SUGCT: variants seen among roughly 807,000 people sequenced by gnomAD.
SUGCT encodes the protein succinyl-CoA:glutarate CoA-transferase.
A neutral mutation model predicts 55.0 loss-of-function variants in SUGCT; 41 were observed. The ratio of observed to expected loss-of-function variants is 0.74; its 90% confidence interval spans 0.58 to 0.97. The LOEUF (loss-of-function observed/expected upper bound fraction) is 0.97. Ranked by LOEUF, SUGCT falls within the 50% of genes least tolerant of loss-of-function variation. The pLI is 0.00. For synonymous variants in SUGCT, 187 were observed against 200.4 expected, an observed-to-expected ratio of 0.93 and a Z score of 0.56; for missense variants, 568 against 547.8, an observed-to-expected ratio of 1.04 and a Z score of -0.37.
chr7:40,925,640 T>C, the SUGCT span, among the ~76,000 whole-genome samples: 4 of 152,054 alleles, frequency 2.6e-5, no homozygotes, highest in African/African-American at 9.7e-5. Context: ...GAAACCCCAG[T>C]TGAGAGCAGG....
the SUGCT span, among the ~76,000 whole-genome samples, chr7:40,915,799 A>G: frequency 2.0e-5 from 3 of 152,258 alleles, no homozygotes; most frequent in African/African-American, 4.8e-5. Context: ...ATGTAGAAAT[A>G]CATAAGTAAA....
intron 13 of SUGCT, among the ~76,000 whole-genome samples, chr7:40,812,262 C>A (rs1791460371): frequency 6.6e-6 from 1 of 151,830 alleles, no homozygotes; most frequent in African/African-American, 2.4e-5. Context: ...GGACCACAGT[C>A]ATTGATTTTT....
At chr7:40,228,054 GTATTTT>G (rs1788491955) in intron 6 of SUGCT, among the ~76,000 whole-genome samples, 1 of 151,794 alleles carries the variant, frequency 6.6e-6, no homozygotes, top group African/African-American at 2.4e-5. Context: ...GGCTAATTTT[GTATTTT>G]TAGTAGAGAT....
At chr7:40,562,205 A>AG (rs1795876136) in intron 12 of SUGCT, among the ~76,000 whole-genome samples, 1 of 151,402 alleles carries the variant, frequency 6.6e-6, no homozygotes, top group Admixed American at 6.6e-5. Flanking sequence ...AGGCTGAGGC[A>AG]GGAGAATGGC....
intron 12 of SUGCT, among the ~76,000 whole-genome samples, chr7:40,736,468 C>G (rs897972891): frequency 6.6e-6 from 1 of 151,238 alleles, no homozygotes; most frequent in African/African-American, 2.4e-5. Context: ...TCAGGAAGTC[C>G]TAAAGACTAC....
At chr7:40,214,041 G>T (rs1340915786) in intron 6 of SUGCT, among the ~76,000 whole-genome samples, 1 of 152,150 alleles carries the variant, frequency 6.6e-6, no homozygotes, top group Non-Finnish European at 1.5e-5. Flanking sequence ...TGAAACTGAA[G>T]TCACACAGTG....
chr7:40,135,125 C>G lies in SUGCT; in HGVS notation c.100+5C>G. 1 of 1,550,178 alleles carries G rather than the reference C, an allele frequency of 6.5e-7. No homozygotes were observed. The highest frequency in any genetic ancestry group is 2.0e-5 in the Admixed American group (1 of 51,216). On this transcript the variant is annotated splice_donor_5th_base_variant and intron_variant, in intron 1 of 13. Transcript: ENST00000335693. ...GGACTGGCCGCCCGCAGTCAGGTAC[C>G]CTCCGAGATTCGGTCTGGGTGGCTA... is the stretch of plus-strand genomic sequence containing the variant.
At chr7:40,821,063 T>A (rs1344659831) in intron 13 of SUGCT, among the ~76,000 whole-genome samples, 1 of 152,138 alleles carries the variant, frequency 6.6e-6, no homozygotes, top group African/African-American at 2.4e-5. Flanking sequence ...TGCTGGATTA[T>A]GTTTATTGAT....
At chr7:40,480,551 A>G (rs558972595) in intron 11 of SUGCT, among the ~76,000 whole-genome samples, 13 of 152,248 alleles carry the variant, frequency 8.5e-5, no homozygotes, top group African/African-American at 3.1e-4. Context: ...TTCTGTAAAG[A>G]ATGCCGTTGA....
chr7:40,316,356 C>T (rs1795431316), intron 8 of SUGCT, among the ~76,000 whole-genome samples: 2 of 152,084 alleles, frequency 1.3e-5, no homozygotes, highest in Non-Finnish European at 2.9e-5. Flanking sequence ...AGTGATGACA[C>T]AGGCTCTCTT....
rs150934540 is a variant in SUGCT, at chr7:40,377,648, T to G, written c.816+60793T>G. The stretch of plus-strand genomic sequence containing the variant: ...CAAAAGAGTTACAAACGGAAATACA[T>G]TTTGGTTGTCTTTTATATTTACCTA... On this transcript the variant is annotated intron_variant, in intron 9 of 13. Transcript: ENST00000335693. 6.1e-3 allele frequency among the ~76,000 whole-genome samples: 922 copies of G among 152,220 alleles called. 5 individuals carry two copies. Among genetic ancestry groups the G allele is most frequent in the African/African-American group, 0.021 (890 of 41,546 alleles).
At chr7:40,450,705 C>T (rs1320499699) in intron 10 of SUGCT, among the ~76,000 whole-genome samples, 4 of 151,444 alleles carry the variant, frequency 2.6e-5, no homozygotes, top group South Asian at 2.1e-4. Context: ...ACCCGGGAGG[C>T]GGAGGTTGCA....
intron 12 of SUGCT, among the ~76,000 whole-genome samples, chr7:40,575,007 T>G (rs1285503859): frequency 6.6e-6 from 1 of 151,714 alleles, no homozygotes; most frequent in African/African-American, 2.4e-5. Flanking sequence ...GTTTAAGATC[T>G]CCACCCCTCC....
At chr7:40,307,274 A>T (rs1284206471) in intron 8 of SUGCT, among the ~76,000 whole-genome samples, 3 of 152,346 alleles carry the variant, frequency 2.0e-5, no homozygotes, top group East Asian at 1.9e-4. Context: ...AAAACTTTGA[A>T]TAAGTACTGC....
At chr7:40,857,679 G>C (rs919716739) in intron 13 of SUGCT, among the ~76,000 whole-genome samples, 1 of 152,066 alleles carries the variant, frequency 6.6e-6, no homozygotes, top group African/African-American at 2.4e-5. Flanking sequence ...GCTTAGTACT[G>C]ATATGCACAA....
chr7:40,562,131 C>A (rs944232819), intron 12 of SUGCT, among the ~76,000 whole-genome samples: 7 of 151,498 alleles, frequency 4.6e-5, no homozygotes, highest in Non-Finnish European at 1.5e-5. Flanking sequence ...AACCCCGTCT[C>A]TACTAAAAAT....
chr7:40,427,020 G>A (rs1009727207), intron 9 of SUGCT, among the ~76,000 whole-genome samples: 2 of 152,088 alleles, frequency 1.3e-5, no homozygotes, highest in South Asian at 4.1e-4. Flanking sequence ...CTATTGCCCA[G>A]AATGGTCTTG....
chr7:40,187,358 C>T (rs1785582106), intron 3 of SUGCT, among the ~76,000 whole-genome samples: 2 of 152,022 alleles, frequency 1.3e-5, no homozygotes, highest in African/African-American at 4.8e-5. Context: ...ATGGGTGCAG[C>T]ACACCAACAT....
chr7:40,156,235 A>G (rs1043613390), intron 1 of SUGCT, among the ~76,000 whole-genome samples: 1 of 152,084 alleles, frequency 6.6e-6, no homozygotes, highest in Non-Finnish European at 1.5e-5. Flanking sequence ...AGGCCAAGGT[A>G]GGCGGATCAC....
Sources: allele counts gnomAD v4.1 joint callset (sites outside exome capture counted in the v4.1 genomes callset), GRCh38; gene constraint gnomAD v4.1.1; transcripts MANE v1.5; gene names NCBI Gene and HGNC (gene_info 2026-07-23, HGNC 2026-07-21).